The following CDHR1 variants were observed in gnomAD, a reference collection of about 807,000 sequenced individuals.
CDHR1 encodes cadherin-related family member 1.
A neutral mutation model predicts 72.1 loss-of-function variants in CDHR1; 61 were observed. The ratio of observed to expected loss-of-function variants is 0.85; its 90% CI spans 0.69 to 1.05. CDHR1 has a LOEUF of 1.05. Among genes scored for constraint, CDHR1 ranks in the 50% least tolerant of loss-of-function variants. CDHR1 has a pLI of 0.00. For synonymous variants in CDHR1, 470 were observed against 448.1 expected (o/e 1.05, Z -0.62); for missense variants, 1,186 against 1,115.7 (o/e 1.06, Z -0.90).
chr10:84,194,617 T>TG lies in CDHR1; in HGVS notation c.-144_-143insG. 18 of 544,742 alleles carry TG rather than the reference T, an allele frequency of 3.3e-5. No homozygotes were observed. The highest frequency in any genetic ancestry group is 3.7e-5 in the East Asian group (1 of 27,302). The allele number at this position is 544,742 out of a possible 1,614,324, so 33.7% of individuals were successfully genotyped here. A position where few individuals can be genotyped will look rare whatever the true frequency, so the allele number is the denominator to read the frequency against. ...TTAGCGCCCTCACGCCACCCGCCGCTCCCGCCCCGTGCCCCCTCCCGCCGC... is the reference window on the plus strand; with the variant it reads ...TTAGCGCCCTCACGCCACCCGCCGCTGCCCGCCCCGTGCCCCCTCCCGCCGC... On this transcript the variant is annotated 5_prime_UTR_variant, in exon 1 of 17. Coordinates refer to ENST00000623527, the MANE Select transcript of CDHR1 (RefSeq NM_033100.4).
In CDHR1 at chr10:84,218,181, G is replaced by A. The variant is rs1188328201; in HGVS notation, c.*3560G>A. ...CACATGAGGAATGAGGCAGGAGACT[G>A]GCATGTGCCACATGGAGGACCCCTT... On this transcript the variant is annotated 3_prime_UTR_variant, in exon 17 of 17. Transcript: ENST00000623527. The A allele has an allele frequency of 1.0e-6, 1 of 985,330 alleles. No individual in the cohort carries two copies. The highest frequency in any genetic ancestry group is 6.1e-5 in the Admixed American group (1 of 16,270). The allele number at this position is 985,330 out of a possible 1,614,324, so 61.0% of individuals were successfully genotyped here. A position where few individuals can be genotyped will look rare whatever the true frequency, so the allele number is the denominator to read the frequency against.
At chr10:84,207,928 CT>C (rs1433226716) in intron 10 of CDHR1, among the ~76,000 whole-genome samples, 1 of 152,234 alleles carries the variant, frequency 6.6e-6, no homozygotes, top group African/African-American at 2.4e-5. Context: ...TCTCTGTTAA[CT>C]GTAGCTTCCT....
intron 2 of CDHR1, among the ~76,000 whole-genome samples, chr10:84,196,021 G>C (rs1045141424): frequency 2.0e-5 from 3 of 152,186 alleles, no homozygotes; most frequent in East Asian, 1.9e-4. Context: ...CCGGGGAAAA[G>C]GGAGAGCAGA....
downstream of CDHR1, chr10:84,218,747 A>C (rs1175649571): frequency 9.9e-7 from 1 of 1,005,902 alleles, no homozygotes; most frequent in African/African-American, 1.7e-5. Flanking sequence ...CATGTGAAGG[A>C]TATTAGCCCA....
At position 84,216,378 on chromosome 10, in the gene CDHR1, A is replaced by T. The variant is rs964862096; in HGVS notation, c.*1757A>T. On this transcript the variant is annotated 3_prime_UTR_variant, in exon 17 of 17. Coordinates refer to ENST00000623527, the MANE Select transcript of CDHR1 (RefSeq NM_033100.4). The stretch of plus-strand genomic sequence containing the variant: ...GGACTCGAGCAATCCAGGAGCCCAG[A>T]CTGAGCAAATAAGTACTTTCCAGCC... 1.0e-6 allele frequency: 1 copy of T among 985,410 alleles called. No individual in the cohort carries two copies. Among genetic ancestry groups the T allele is most frequent in the African/African-American group, 1.7e-5 (1 of 57,252 alleles). 61.0% of individuals were successfully genotyped at this position (985,410 alleles called of 1,614,324 possible). A position where few individuals can be genotyped will look rare whatever the true frequency, so the allele number is the denominator to read the frequency against.
At chr10:84,212,599 A>C (rs904080082) in intron 15 of CDHR1, among the ~76,000 whole-genome samples, 192 bp downstream of exon 15, 2 of 152,202 alleles carry the variant, frequency 1.3e-5, no homozygotes, top group African/African-American at 4.8e-5. Flanking sequence ...AGATATTGCT[A>C]TTCAACAAAT....
At chr10:84,196,767 G>A in intron 3 of CDHR1, 117 bp downstream of exon 3, 2 of 1,193,442 alleles carry the variant, frequency 1.7e-6, no homozygotes, top group Non-Finnish European at 2.5e-6. Context: ...GGATGAGGGG[G>A]CACACCCCAG....
chr10:84,219,391 C>T (rs374261396), downstream of CDHR1: 95 of 1,441,564 alleles, frequency 6.6e-5, 1 homozygote, highest in South Asian at 7.0e-4. Flanking sequence ...TGGCTCTCCC[C>T]TGCACTGCTT....
At chr10:84,198,470 A>T (rs1261408611) in intron 4 of CDHR1, among the ~76,000 whole-genome samples, 1 of 152,192 alleles carries the variant, frequency 6.6e-6, no homozygotes, top group African/African-American at 2.4e-5. Flanking sequence ...ATCTACTTTC[A>T]TCCTCAGCTC....
In CDHR1 at chr10:84,215,832, A is replaced by G. The variant is rs1842417663; in HGVS notation, c.*1211A>G. ...GGATGATGGCATTGCCGTGACTCAC[A>G]CACCTCTACTTCTGTTCTTCCCTCA... On this transcript the variant is annotated 3_prime_UTR_variant, in exon 17 of 17. Transcript: ENST00000623527. The G allele has an allele frequency of 1.0e-6, 1 of 985,494 alleles. No homozygotes were observed. Among genetic ancestry groups the G allele is most frequent in the Non-Finnish European group, 1.2e-6 (1 of 830,022 alleles). 61.0% of individuals were successfully genotyped at this position (985,494 alleles called of 1,614,324 possible).
chr10:84,208,529 G>A (rs1842271623), intron 11 of CDHR1, 152 bp downstream of exon 11: 3 of 1,012,042 alleles, frequency 3.0e-6, no homozygotes, highest in Non-Finnish European at 4.5e-6. Context: ...AACCAAGGGG[G>A]AGAGGAGGGA....
chr10:84,199,194 G>A, intron 5 of CDHR1, 73 bp downstream of exon 5: 1 of 1,263,106 alleles, frequency 7.9e-7, no homozygotes, highest in Non-Finnish European at 1.1e-6. Context: ...CTGCCCTGTG[G>A]CCTGGCCATG....
intron 8 of CDHR1, 26 bp downstream of exon 8, chr10:84,203,149 C>A (rs754946547): frequency 1.7e-5 from 27 of 1,613,828 alleles, no homozygotes; most frequent in South Asian, 2.2e-5. Flanking sequence ...CCTCAGCCAG[C>A]GATCCCTCCA....
At position 84,217,644 on chromosome 10, in the gene CDHR1, A is replaced by G; in HGVS notation, c.*3023A>G. ...ACAAGCTCAGTAGACACTTGCCGTG[A>G]CTGTGGCCCACATACTAGAACACCA... On this transcript the variant is annotated 3_prime_UTR_variant, in exon 17 of 17. Transcript: ENST00000623527. 1 of 985,470 alleles carries G rather than the reference A, an allele frequency of 1.0e-6. No homozygotes were observed. 61.0% of individuals were successfully genotyped at this position (985,470 alleles called of 1,614,324 possible).
chr10:84,216,357 T>G lies in CDHR1; in HGVS notation c.*1736T>G. On this transcript the variant is annotated 3_prime_UTR_variant, in exon 17 of 17. Transcript: ENST00000623527. ...GAACAGTATTAAGCAAGAGGTGGAC[T>G]CGAGCAATCCAGGAGCCCAGACTGA... The G allele has an allele frequency of 8.1e-6, 8 of 985,540 alleles. No homozygotes were observed. Among genetic ancestry groups the G allele is most frequent in the Non-Finnish European group, 7.2e-6 (6 of 829,982 alleles). The allele number at this position is 985,540 out of a possible 1,614,324, so 61.0% of individuals were successfully genotyped here. A position where few individuals can be genotyped will look rare whatever the true frequency, so the allele number is the denominator to read the frequency against.
rs1439386273 is a variant in CDHR1 at position 84,214,686 on chromosome 10, A to G, written c.*65A>G. The G allele has an allele frequency of 3.8e-6, 6 of 1,595,084 alleles. No individual in the cohort carries two copies. The highest frequency in any genetic ancestry group is 2.7e-5 in the African/African-American group (2 of 74,362). Reference sequence around the variant, plus strand: ...CCCCCACCACCCTGCTGCTCGGACTATGCTCCCCTTCCTCTGCTCCTTAAG... The same window carrying G: ...CCCCCACCACCCTGCTGCTCGGACTGTGCTCCCCTTCCTCTGCTCCTTAAG... On this transcript the variant is annotated 3_prime_UTR_variant, in exon 17 of 17. Coordinates refer to ENST00000623527, the MANE Select transcript of CDHR1 (RefSeq NM_033100.4).
chr10:84,218,777 T>A, downstream of CDHR1: 1 of 1,004,774 alleles, frequency 1.0e-6, no homozygotes, highest in Non-Finnish European at 1.2e-6. Flanking sequence ...TTATTACATA[T>A]ATATATTTAT....
downstream of CDHR1, chr10:84,219,435 C>T (rs1298106463): frequency 3.3e-6 from 4 of 1,225,656 alleles, no homozygotes; most frequent in East Asian, 2.6e-5. Flanking sequence ...TCATCCTGAC[C>T]CCTCTGTCTC....
intron 2 of CDHR1, 145 bp downstream of exon 2, chr10:84,195,734 C>T (rs951715032): frequency 2.7e-6 from 2 of 743,844 alleles, no homozygotes; most frequent in Non-Finnish European, 4.7e-6. Flanking sequence ...TGGGCAATGG[C>T]AGGAAAGAAG....
Sources: gnomAD v4.1 joint callset for allele counts (sites outside exome capture counted in the v4.1 genomes callset) on GRCh38, gnomAD v4.1.1 for gene constraint, MANE v1.5 for transcripts, NCBI Gene and HGNC (gene_info 2026-07-23, HGNC 2026-07-21) for gene names.